SPATA6L: variants seen among roughly 807,000 people sequenced by gnomAD.
The protein encoded by SPATA6L is spermatogenesis associated 6 like, also known as spermatogenesis associated 6-like protein.
SPATA6L carries 68 observed loss-of-function variants against 49.2 expected under a neutral mutation model. The ratio of observed to expected loss-of-function variants is 1.38; its 90% CI spans 1.14 to 1.69. SPATA6L has a LOEUF of 1.69. Ranked by LOEUF, SPATA6L falls within the 40% of genes most tolerant of loss-of-function variation. The pLI is 0.00. For synonymous variants in SPATA6L, 198 were observed against 165.7 expected (o/e 1.19, Z -1.50); for missense variants, 668 against 464.3 (o/e 1.44, Z -4.03).
intron 3 of SPATA6L, chr9:4,646,344 C>T (rs577561604): frequency 5.0e-4 from 219 of 439,924 alleles, no homozygotes; most frequent in Non-Finnish European, 5.7e-4. Flanking sequence ...AGAAAAAAGG[C>T]ATGTGTTATA....
intron 3 of SPATA6L, among the ~76,000 whole-genome samples, chr9:4,636,972 T>C (rs912891849): frequency 2.0e-5 from 3 of 152,140 alleles, no homozygotes; most frequent in South Asian, 2.1e-4. Flanking sequence ...CTCAAATCCA[T>C]TGTCCGCACG....
At chr9:4,589,455 T>C (rs1013434591) in intron 13 of SPATA6L, among the ~76,000 whole-genome samples, 1 of 152,220 alleles carries the variant, frequency 6.6e-6, no homozygotes. Context: ...GCAAACAGTA[T>C]ATCCAACCTA....
intron 4 of SPATA6L, among the ~76,000 whole-genome samples, chr9:4,631,640 A>C (rs773875535): frequency 6.6e-5 from 10 of 152,248 alleles, no homozygotes; most frequent in Non-Finnish European, 1.5e-5. Flanking sequence ...AGTGGAGGAA[A>C]TAAATCTAAT....
At chr9:4,631,991 C>T (rs528721638) in intron 4 of SPATA6L, among the ~76,000 whole-genome samples, 1 of 151,172 alleles carries the variant, frequency 6.6e-6, no homozygotes, top group South Asian at 2.1e-4. Flanking sequence ...ATGAGCTCAA[C>T]ACAGTGCCTG....
At chr9:4,607,320 G>A (rs1158071196) in intron 9 of SPATA6L, among the ~76,000 whole-genome samples, 1 of 152,038 alleles carries the variant, frequency 6.6e-6, no homozygotes, top group Non-Finnish European at 1.5e-5. Context: ...CTCGAGAAGA[G>A]CAACTCCAAC....
chr9:4,646,826 C>G (rs1835491505), intron 3 of SPATA6L, among the ~76,000 whole-genome samples: 2 of 151,872 alleles, frequency 1.3e-5, no homozygotes. Flanking sequence ...AAAGAGAAAA[C>G]CAAATGCAGC....
Position 4,598,685 on chromosome 9 carries a change from T to A in SPATA6L, c.*2126A>T, listed in dbSNP as rs1326620062. Among the ~76,000 whole-genome samples, 1 of 152,236 alleles carries A rather than the reference T, an allele frequency of 6.6e-6. No individual in the cohort carries two copies. Among genetic ancestry groups the A allele is most frequent in the African/African-American group, 2.4e-5 (1 of 41,466 alleles). On this transcript the variant is annotated 3_prime_UTR_variant, in exon 12 of 12. Coordinates refer to ENST00000682582, the MANE Select transcript of SPATA6L (RefSeq NM_001353486.2). The stretch of plus-strand genomic sequence containing the variant: ...TATTTTAACAATAACTGAAATGGGA[T>A]ACCAATTCATTAGTGCTGCTTTCCT...
intron 4 of SPATA6L, among the ~76,000 whole-genome samples, chr9:4,634,589 C>T (rs914837968): frequency 2.6e-5 from 4 of 152,068 alleles, no homozygotes; most frequent in African/African-American, 7.2e-5. Context: ...TGGGGCAATA[C>T]GAGAAACGCT....
At position 4,617,895 on chromosome 9, in the gene SPATA6L, G is replaced by C. The variant is rs1027825912; in HGVS notation, c.995+28C>G. 3.2e-6 allele frequency: 5 copies of C among 1,559,290 alleles called. No individual in the cohort carries two copies. In the East Asian group the frequency reaches 9.3e-5, roughly 29 times the overall value. On this transcript the variant is annotated intron_variant, in intron 9 of 11. Transcript: ENST00000682582. ...CTGCCAGGCCACAATGCACTCGTCA[G>C]GCAAACAGATGGGTGCTTGCCACTG...
At chr9:4,652,533 G>A (rs1050867640) in intron 3 of SPATA6L, among the ~76,000 whole-genome samples, 1 of 152,028 alleles carries the variant, frequency 6.6e-6, no homozygotes, top group African/African-American at 2.4e-5. Flanking sequence ...CTTGTAAACT[G>A]AAAATTACAA....
rs557569147 is a variant in SPATA6L at position 4,658,728 on chromosome 9, C to T, written c.178-2639G>A. Among the ~76,000 whole-genome samples, 14 of 152,162 alleles carry T rather than the reference C, an allele frequency of 9.2e-5. No individual in the cohort carries two copies. In the East Asian group the frequency reaches 2.5e-3, roughly 27 times the overall value. ...CTTTTACAGGCCAGATGCAGTGGCT[C>T]ATGCTGTAATCCCAGCACTTTGGAA... On this transcript the variant is annotated intron_variant, in intron 2 of 11. Coordinates refer to ENST00000682582, the MANE Select transcript of SPATA6L (RefSeq NM_001353486.2).
intron 6 of SPATA6L, 76 bp downstream of exon 6, chr9:4,625,251 C>T: frequency 1.3e-6 from 2 of 1,510,270 alleles, no homozygotes; most frequent in Middle Eastern, 1.9e-4. Flanking sequence ...GTTGTTATAA[C>T]TCAACCTTCC....
chr9:4,622,318 T>C, intron 7 of SPATA6L, 90 bp downstream of exon 7: 1 of 797,214 alleles, frequency 1.3e-6, no homozygotes, highest in South Asian at 1.6e-5. Flanking sequence ...GTTCTGAACA[T>C]CACCTGTGAT....
intron 3 of SPATA6L, chr9:4,646,299 T>A: frequency 2.6e-6 from 1 of 390,876 alleles, no homozygotes; most frequent in Non-Finnish European, 4.5e-6. Flanking sequence ...CATAAAGTTA[T>A]TATTCTGAAA....
At chr9:4,592,095 A>T (rs1486331319) in intron 13 of SPATA6L, among the ~76,000 whole-genome samples, 1 of 152,150 alleles carries the variant, frequency 6.6e-6, no homozygotes, top group Non-Finnish European at 1.5e-5. Flanking sequence ...CGGGTGGATC[A>T]TCTGAGGTCA....
At chr9:4,642,862 G>C (rs532793462) in intron 3 of SPATA6L, among the ~76,000 whole-genome samples, 1 of 151,902 alleles carries the variant, frequency 6.6e-6, no homozygotes, top group African/African-American at 2.4e-5. Context: ...GTAATCAAAG[G>C]ACAGTGACAG....
intron 13 of SPATA6L, among the ~76,000 whole-genome samples, chr9:4,589,858 T>C (rs1255897422): frequency 1.3e-5 from 2 of 152,200 alleles, no homozygotes; most frequent in Non-Finnish European, 2.9e-5. Context: ...AATCCTAGAC[T>C]TTTAAAGTGA....
chr9:4,661,838 C>T (rs570312452), intron 2 of SPATA6L, 61 bp downstream of exon 2: 4 of 1,579,532 alleles, frequency 2.5e-6, no homozygotes, highest in Middle Eastern at 1.7e-4. Flanking sequence ...GAACTCTGTT[C>T]TTTATAAGAA....
chr9:4,666,314 T>G lies in SPATA6L; in HGVS notation c.-64A>C. On this transcript the variant is annotated 5_prime_UTR_variant, in exon 1 of 12. Transcript: ENST00000682582. ...CCTTTTGTGCCGAGCCTTGGACCAA[T>G]TTTTCTTAGTTTAGCTGAATACCTA... 1 of 1,575,022 alleles carries G rather than the reference T, an allele frequency of 6.3e-7. No individual in the cohort carries two copies. The highest frequency in any genetic ancestry group is 8.7e-7 in the Non-Finnish European group (1 of 1,145,746).
Sources: gnomAD v4.1 joint callset for allele counts (sites outside exome capture counted in the v4.1 genomes callset) on GRCh38, gnomAD v4.1.1 for gene constraint, MANE v1.5 for transcripts, NCBI Gene and HGNC (gene_info 2026-07-23, HGNC 2026-07-21) for gene names.